The following CSNK1G2 variants were observed in gnomAD, a reference collection of about 807,000 sequenced individuals.
The protein encoded by CSNK1G2 is casein kinase I isoform gamma-2.
A neutral mutation model predicts 48.0 loss-of-function variants in CSNK1G2; 11 were observed. The ratio of observed to expected loss-of-function variants is 0.23; its 90% confidence interval spans 0.14 to 0.38. The LOEUF (loss-of-function observed/expected upper bound fraction) is 0.38, where lower values mean the gene tolerates loss of function less well. Ranked by LOEUF, CSNK1G2 falls within the 10% of genes least tolerant of loss-of-function variation. The pLI, the probability that CSNK1G2 is intolerant of heterozygous loss-of-function variation, is 1.00. For missense variants in CSNK1G2, 446 were observed against 595.5 expected (o/e 0.75, Z 2.61); for synonymous variants, 337 against 254.1 (o/e 1.33, Z -3.10).
chr19:1,958,394 C>T (rs952276087), intron 1 of CSNK1G2, among the ~76,000 whole-genome samples: 4 of 151,894 alleles, frequency 2.6e-5, no homozygotes, highest in African/African-American at 4.8e-5. Flanking sequence ...GAGAGCTGCC[C>T]GGCTCCTGCT....
intron 2 of CSNK1G2, chr19:1,975,079 G>A (rs1158912248): frequency 2.0e-6 from 2 of 985,376 alleles, no homozygotes; most frequent in African/African-American, 3.5e-5. Flanking sequence ...GCACACAGCG[G>A]TGGGGTTCAG....
In CSNK1G2 at chr19:1,980,453, A is replaced by G. The variant is rs764463660; in HGVS notation, c.*250A>G. ...GTCCTCCCCTCCAAGAGCATTAACT[A>G]TTTAAAACAAGGAAAAGAGGAAAAA... On this transcript the variant is annotated 3_prime_UTR_variant, in exon 12 of 12. Coordinates refer to ENST00000255641, the MANE Select transcript of CSNK1G2 (RefSeq NM_001319.7). 2 of 554,416 alleles carry G rather than the reference A, an allele frequency of 3.6e-6. No individual in the cohort carries two copies. The highest frequency in any genetic ancestry group is 6.3e-5 in the East Asian group (2 of 31,718). The allele number at this position is 554,416 out of a possible 1,614,324, so 34.3% of individuals were successfully genotyped here.
Position 1,974,977 on chromosome 19 carries a change from G to A in CSNK1G2, c.188-3328G>A, listed in dbSNP as rs866528306. 79 of 792,758 alleles carry A rather than the reference G, an allele frequency of 1.0e-4. No individual in the cohort carries two copies. The African/African-American group carries it at 1.3e-3, about 13-fold the overall frequency. The allele number at this position is 792,758 out of a possible 1,614,324, so 49.1% of individuals were successfully genotyped here. ...GCCCCTTTGGCTTTCAGAGCCCAGA[G>A]CGCCCGACCTCCTCCAGGAGTCTGC... On this transcript the variant is annotated intron_variant, in intron 2 of 11. Transcript: ENST00000255641.
intron 1 of CSNK1G2, among the ~76,000 whole-genome samples, chr19:1,960,953 T>G (rs1342683224): frequency 6.6e-6 from 1 of 152,242 alleles, no homozygotes; most frequent in Non-Finnish European, 1.5e-5. Flanking sequence ...TGAGAGGGTT[T>G]CCAGAAGAAG....
At position 1,979,651 on chromosome 19, in the gene CSNK1G2, G is replaced by C. The variant is rs1167220225; in HGVS notation, c.1002+8G>C. The C allele has an allele frequency of 3.1e-6, 5 of 1,602,314 alleles. No homozygotes were observed. The Admixed American group carries it at 5.0e-5, about 16-fold the overall frequency. The stretch of plus-strand genomic sequence containing the variant: ...TGGGCCGGGAAGCCCCTGGTAGGTG[G>C]GGGGGTGCCGGTATGTGGGAGCGGG... On this transcript the variant is annotated splice_region_variant and intron_variant, in intron 9 of 11. Transcript: ENST00000255641.
chr19:1,978,756 CGGCGGGCGG>C lies in CSNK1G2; in HGVS notation c.447+13_447+21del, dbSNP rs771550767. On this transcript the variant is annotated splice_region_variant and intron_variant, in intron 5 of 11. Transcript: ENST00000255641. The surrounding 1 kb of genome is among the most constrained non-coding windows in gnomAD (Gnocchi z 7.3). ...TGATGATCGCCATCCAGCTGGTGCG[CGGCGGGCGG>C]GGCGGGGCGGGGCTCGGAGGGAAGA... 3.5e-4 allele frequency: 176 copies of C among 501,484 alleles called. No homozygotes were observed. In the African/African-American group the frequency reaches 3.9e-3, roughly 11 times the overall value. 31.1% of individuals were successfully genotyped at this position (501,484 alleles called of 1,614,324 possible). A position where few individuals can be genotyped will look rare whatever the true frequency, so the allele number is the denominator to read the frequency against.
chr19:1,978,525 C>G lies in CSNK1G2; in HGVS notation c.298+14C>G, dbSNP rs747553413. The G allele has an allele frequency of 6.4e-7, 1 of 1,573,592 alleles. No individual in the cohort carries two copies. Among genetic ancestry groups the G allele is most frequent in the Admixed American group, 1.9e-5 (1 of 53,740 alleles). On this transcript the variant is annotated intron_variant, in intron 4 of 11. Coordinates refer to ENST00000255641, the MANE Select transcript of CSNK1G2 (RefSeq NM_001319.7). The surrounding 1 kb of genome is among the most constrained non-coding windows in gnomAD (Gnocchi z 7.3). ...TCAGCGCCACAGGTACCGGGCGGCC[C>G]GCGGGTGGGGCGGGGGCTGCGCAGG... is the stretch of plus-strand genomic sequence containing the variant.
rs1019099740 is a variant in CSNK1G2 at position 1,957,831 on chromosome 19, G to T, written c.-265-11677G>T. ...TCGGCGGGCGCCGTGTTTGTGGGGT[G>T]GGAGCTAGGCGGGCGCCGTTTATGT... On this transcript the variant is annotated intron_variant, in intron 1 of 11. Coordinates refer to ENST00000255641, the MANE Select transcript of CSNK1G2 (RefSeq NM_001319.7). The surrounding 1 kb of genome is among the most constrained non-coding windows in gnomAD (Gnocchi z 5.4). Among the ~76,000 whole-genome samples the T allele has an allele frequency of 1.3e-5, 2 of 151,796 alleles. No homozygotes were observed. The highest frequency in any genetic ancestry group is 2.9e-5 in the Non-Finnish European group (2 of 67,920).
intron 2 of CSNK1G2, among the ~76,000 whole-genome samples, chr19:1,977,334 G>A (rs1313435015): frequency 6.6e-6 from 1 of 152,190 alleles, no homozygotes; most frequent in African/African-American, 2.4e-5. Flanking sequence ...CTCACCCCTC[G>A]GGTGCTGAGT....
chr19:1,972,710 CCT>C (rs2145580510), intron 2 of CSNK1G2, among the ~76,000 whole-genome samples: 1 of 152,282 alleles, frequency 6.6e-6, no homozygotes, highest in Non-Finnish European at 1.5e-5. Flanking sequence ...ACAACCTCTG[CCT>C]CTCGGGTTCA....
intron 1 of CSNK1G2, among the ~76,000 whole-genome samples, chr19:1,944,886 C>T (rs937810635): frequency 1.3e-5 from 2 of 152,222 alleles, no homozygotes; most frequent in Non-Finnish European, 2.9e-5. Flanking sequence ...CCTCCCTTTG[C>T]CGGGTCCTCC....
intron 1 of CSNK1G2, among the ~76,000 whole-genome samples, chr19:1,959,012 CTGCATCTCCAT>C (rs2015101888): frequency 6.9e-6 from 1 of 145,734 alleles, no homozygotes; most frequent in Non-Finnish European, 1.5e-5. Context: ...GCTTCCCAGT[CTGCATCTCCAT>C]CTGCTCCCAG....
At chr19:1,950,919 T>A (rs2014739539) in intron 1 of CSNK1G2, among the ~76,000 whole-genome samples, 1 of 145,540 alleles carries the variant, frequency 6.9e-6, no homozygotes, top group Non-Finnish European at 1.5e-5. Flanking sequence ...AGCTGGGCGT[T>A]TATTCGCCTT....
chr19:1,958,103 G>A (rs908200140), intron 1 of CSNK1G2, among the ~76,000 whole-genome samples: 1 of 152,106 alleles, frequency 6.6e-6, no homozygotes, highest in Admixed American at 6.5e-5. Flanking sequence ...GGCCCCTCCC[G>A]AGCAGGTCTG....
chr19:1,977,637 C>T (rs1190010187), intron 2 of CSNK1G2, among the ~76,000 whole-genome samples: 6 of 151,462 alleles, frequency 4.0e-5, no homozygotes, highest in Non-Finnish European at 7.4e-5. Context: ...CCTGTAGTCC[C>T]AGCTACTTGG....
intron 1 of CSNK1G2, among the ~76,000 whole-genome samples, chr19:1,966,588 G>T (rs2015372200): frequency 6.6e-6 from 1 of 152,232 alleles, no homozygotes; most frequent in East Asian, 1.9e-4. Context: ...GCCGCGGCCG[G>T]GTTGAGAGGA....
Position 1,980,675 on chromosome 19 carries a change from GGA to G in CSNK1G2, c.*474_*475del. 1 of 196,760 alleles carries G rather than the reference GGA, an allele frequency of 5.1e-6. No homozygotes were observed. The highest frequency in any genetic ancestry group is 6.9e-5 in the South Asian group (1 of 14,398). The allele number at this position is 196,760 out of a possible 1,614,324, so 12.2% of individuals were successfully genotyped here. A position where few individuals can be genotyped will look rare whatever the true frequency, so the allele number is the denominator to read the frequency against. ...CAGGCCCGGCCTGGAGGGGTGCTGT[GGA>G]GCTGTCTTGCCCAGGCCCTCCTGGG... On this transcript the variant is annotated 3_prime_UTR_variant, in exon 12 of 12. Coordinates refer to ENST00000255641, the MANE Select transcript of CSNK1G2 (RefSeq NM_001319.7).
rs546183962 is a variant in CSNK1G2, at chr19:1,945,274, A to G, written c.-266+3856A>G. 2.0e-3 allele frequency among the ~76,000 whole-genome samples: 311 copies of G among 152,282 alleles called. 1 individual carries two copies. Among genetic ancestry groups the G allele is most frequent in the African/African-American group, 7.2e-3 (298 of 41,572 alleles). On this transcript the variant is annotated intron_variant, in intron 1 of 11. Coordinates refer to ENST00000255641, the MANE Select transcript of CSNK1G2 (RefSeq NM_001319.7). The stretch of plus-strand genomic sequence containing the variant: ...CTTCTCAGACCCCCGGGCTGGCCCC[A>G]GGCTCCCCCGGCAGCACTCAGGCGG...
intron 2 of CSNK1G2, among the ~76,000 whole-genome samples, chr19:1,976,969 C>T (rs1270773701): frequency 6.6e-6 from 1 of 152,144 alleles, no homozygotes; most frequent in Non-Finnish European, 1.5e-5. Flanking sequence ...GAACTCCCGA[C>T]CTCAGGTGAT....
Sources: gnomAD v4.1 joint callset for allele counts (sites outside exome capture counted in the v4.1 genomes callset) on GRCh38, gnomAD v4.1.1 for gene constraint, Gnocchi (gnomAD v3.1) non-coding constraint, MANE v1.5 for transcripts, NCBI Gene and HGNC (gene_info 2026-07-23, HGNC 2026-07-21) for gene names.